The following SVIL variants were observed in gnomAD, a reference collection of about 807,000 sequenced individuals.
SVIL encodes archvillin.
A neutral mutation model predicts 240.4 loss-of-function variants in SVIL; 101 were observed. The observed-to-expected ratio is 0.42, with a 90% CI of 0.36 to 0.50. The LOEUF (loss-of-function observed/expected upper bound fraction) is 0.50. SVIL is among the 20% of genes least tolerant of loss of function. The probability of loss-of-function intolerance (pLI) is 0.01; values close to 1 mark genes in which losing one functional copy is unlikely to be tolerated. For synonymous variants in SVIL, 999 were observed against 1,100.0 expected (o/e 0.91, Z 1.82); for missense variants, 2,512 against 2,818.7 (o/e 0.89, Z 2.46).
intron 1 of SVIL, chr10:29,602,155 C>T: frequency 2.4e-6 from 1 of 425,314 alleles, no homozygotes; most frequent in South Asian, 1.8e-5. Context: ...CTCTAAACAC[C>T]TACAAAAGAA....
At chr10:29,705,501 G>T (rs547825815) in intron 1 of SVIL, among the ~76,000 whole-genome samples, 2 of 152,028 alleles carry the variant, frequency 1.3e-5, no homozygotes, top group Non-Finnish European at 2.9e-5. Flanking sequence ...TTTAAGTTCG[G>T]GATACAAGTG....
intron 1 of SVIL, among the ~76,000 whole-genome samples, chr10:29,621,958 T>C (rs958515401): frequency 6.6e-6 from 1 of 151,948 alleles, no homozygotes; most frequent in South Asian, 2.1e-4. Flanking sequence ...GCAAAGAACC[T>C]TGGAAACACT....
At chr10:29,545,957 A>T (rs1052536471) in intron 6 of SVIL, among the ~76,000 whole-genome samples, 5 of 152,066 alleles carry the variant, frequency 3.3e-5, no homozygotes, top group African/African-American at 1.2e-4. Flanking sequence ...GTTCCCTGAG[A>T]ACAGAGAGTG....
intron 3 of SVIL, among the ~76,000 whole-genome samples, chr10:29,645,079 T>G (rs1273732599): frequency 6.6e-6 from 1 of 152,202 alleles, no homozygotes; most frequent in Non-Finnish European, 1.5e-5. Context: ...TAATACAACA[T>G]TCACTTCATT....
chr10:29,468,413 A>G (rs1012711434), intron 32 of SVIL, among the ~76,000 whole-genome samples: 1 of 151,874 alleles, frequency 6.6e-6, no homozygotes, highest in African/African-American at 2.4e-5. Flanking sequence ...TATGGCTATG[A>G]ACCTTCATGT....
At chr10:29,550,069 A>C (rs1335172242) in intron 6 of SVIL, among the ~76,000 whole-genome samples, 1 of 151,186 alleles carries the variant, frequency 6.6e-6, no homozygotes, top group African/African-American at 2.4e-5. Flanking sequence ...GAAAAAAAAA[A>C]ACATAAGAAA....
chr10:29,598,812 T>C (rs2132829045), intron 1 of SVIL, among the ~76,000 whole-genome samples: 1 of 152,352 alleles, frequency 6.6e-6, no homozygotes, highest in South Asian at 2.1e-4. Flanking sequence ...TTTTCAAACC[T>C]TGGCCACAGC....
At chr10:29,700,499 T>G (rs1049782867) in intron 1 of SVIL, among the ~76,000 whole-genome samples, 1 of 123,670 alleles carries the variant, frequency 8.1e-6, no homozygotes, top group Non-Finnish European at 1.6e-5. Flanking sequence ...GAGATGGAGA[T>G]ATGCTCTGTC....
chr10:29,644,016 G>C (rs1319245452), intron 3 of SVIL: 2 of 518,472 alleles, frequency 3.9e-6, no homozygotes, highest in Non-Finnish European at 7.7e-6. Context: ...TCAGAGTCTT[G>C]AGAGTAATCA....
chr10:29,700,753 G>A (rs1000159875), intron 1 of SVIL, among the ~76,000 whole-genome samples: 9 of 152,146 alleles, frequency 5.9e-5, no homozygotes, highest in East Asian at 1.9e-4. Context: ...GATTACAGGC[G>A]TGAGTCACTG....
rs192748663 is a variant in SVIL, at chr10:29,642,679, C to A, written c.-201+15290G>T. Reference sequence around the variant, plus strand: ...ATATCAAAATAGTCTGCAGTTAGATCTCTTCTCTCTCTCTTTTTTTTGGAG... The same window carrying A: ...ATATCAAAATAGTCTGCAGTTAGATATCTTCTCTCTCTCTTTTTTTTGGAG... On this transcript the variant is annotated intron_variant, in intron 3 of 35. Transcript: ENST00000375400. Among the ~76,000 whole-genome samples the A allele has an allele frequency of 2.7e-4, 41 of 151,966 alleles. No homozygotes were observed. In the East Asian group the frequency reaches 7.4e-3, roughly 27 times the overall value.
chr10:29,569,387 A>G, intron 1 of SVIL, 75 bp from the exon 2 acceptor site: 2 of 697,072 alleles, frequency 2.9e-6, no homozygotes, highest in Non-Finnish European at 3.5e-6. Context: ...AAAACTCTCC[A>G]AACTGCTTTT....
At chr10:29,510,526 G>A (rs1949750563) in intron 17 of SVIL, among the ~76,000 whole-genome samples, 1 of 150,864 alleles carries the variant, frequency 6.6e-6, no homozygotes, top group Admixed American at 6.6e-5. Context: ...GCACACAAAA[G>A]GAACGTAGGA....
At chr10:29,692,242 A>G (rs1267355940) in intron 1 of SVIL, among the ~76,000 whole-genome samples, 3 of 152,110 alleles carry the variant, frequency 2.0e-5, no homozygotes, top group African/African-American at 7.2e-5. Flanking sequence ...GCATTACTAG[A>G]CTCACTAACA....
In SVIL at chr10:29,486,581, G is replaced by A. The variant is rs764073961; in HGVS notation, c.4486-24C>T. 6 of 1,613,868 alleles carry A rather than the reference G, an allele frequency of 3.7e-6. No homozygotes were observed. The South Asian group carries it at 5.5e-5, about 15-fold the overall frequency. ...GCCTAAAAAAGAGAGGAACACAATT[G>A]CCTGGGTAGAAAAGCCCTTGGCTAG... On this transcript the variant is annotated intron_variant, in intron 24 of 37. Transcript: ENST00000355867.
At position 29,719,437 on chromosome 10, in the gene SVIL, C is replaced by T. The variant is rs545241172; in HGVS notation, c.-400+16314G>A. 3.0e-4 allele frequency among the ~76,000 whole-genome samples: 45 copies of T among 152,324 alleles called. 1 individual carries two copies. Among genetic ancestry groups the T allele is most frequent in the African/African-American group, 1.1e-3 (44 of 41,570 alleles). ...CCCAAAACAAAGCTCAACAATATTT[C>T]CATCCCCCCAGAAGATAACATTGCA... On this transcript the variant is annotated intron_variant, in intron 1 of 35. Transcript: ENST00000375400.
chr10:29,619,968 A>G (rs1002006994), intron 1 of SVIL, among the ~76,000 whole-genome samples: 9 of 152,206 alleles, frequency 5.9e-5, no homozygotes, highest in African/African-American at 2.2e-4. Context: ...GAGAAGAAAA[A>G]ATGACCAATC....
At position 29,577,527 on chromosome 10, in the gene SVIL, C is replaced by T. The variant is rs192562116; in HGVS notation, c.-200-8215G>A. Among the ~76,000 whole-genome samples, 89 of 152,240 alleles carry T rather than the reference C, an allele frequency of 5.8e-4. 2 individuals carry two copies. The highest frequency in any genetic ancestry group is 3.8e-3 in the Admixed American group (58 of 15,288). On this transcript the variant is annotated intron_variant, in intron 1 of 37. Transcript: ENST00000355867. ...CAGACATTATCTCATTCTTTTTTTA[C>T]GGCTGAGAAGTATTCCACAGTGTAT...
chr10:29,458,379 G>T, intron 37 of SVIL, 46 bp from the exon 38 acceptor site: 1 of 1,607,898 alleles, frequency 6.2e-7, no homozygotes, highest in Non-Finnish European at 8.5e-7. Context: ...GAAAGGAGCC[G>T]GGCGTGCGTG....
Sources: gnomAD v4.1 joint callset for allele counts (sites outside exome capture counted in the v4.1 genomes callset) on GRCh38, gnomAD v4.1.1 for gene constraint, MANE v1.5 for transcripts, NCBI Gene and HGNC (gene_info 2026-07-23, HGNC 2026-07-21) for gene names.